The following ARFGEF3 variants were observed in gnomAD, a reference collection of about 807,000 sequenced individuals.
ARFGEF3 encodes the protein ARFGEF family member 3.
A neutral mutation model predicts 221.7 loss-of-function variants in ARFGEF3; 96 were observed. The observed-to-expected ratio is 0.43, with a 90% CI of 0.37 to 0.51. The LOEUF is 0.51. Ranked by LOEUF, ARFGEF3 falls within the 20% of genes least tolerant of loss-of-function variation. The pLI, the probability that ARFGEF3 is intolerant of heterozygous loss-of-function variation, is 0.00. For missense variants in ARFGEF3, 2,410 were observed against 2,789.9 expected (o/e 0.86, Z 3.07); for synonymous variants, 1,145 against 1,126.8 (o/e 1.02, Z -0.32).
chr6:138,234,132 A>T (rs1455992356), intron 5 of ARFGEF3, among the ~76,000 whole-genome samples: 3 of 152,220 alleles, frequency 2.0e-5, no homozygotes, highest in Non-Finnish European at 4.4e-5. Flanking sequence ...TGGCTTGTGA[A>T]GAAGTTGTTT....
At chr6:138,306,770 T>TA (rs11331373) in intron 22 of ARFGEF3, among the ~76,000 whole-genome samples, 13 of 149,546 alleles carry the variant, frequency 8.7e-5, no homozygotes, top group South Asian at 4.2e-4. Flanking sequence ...CTCACCATGC[T>TA]AAAAAAAAAA....
chr6:138,322,960 A>G (rs1042866157), intron 29 of ARFGEF3, among the ~76,000 whole-genome samples: 2 of 151,762 alleles, frequency 1.3e-5, no homozygotes, highest in Non-Finnish European at 2.9e-5. Flanking sequence ...CACTGGTCAC[A>G]TCCTCCAAGG....
chr6:138,184,442 T>C (rs990264051), intron 2 of ARFGEF3, among the ~76,000 whole-genome samples: 1 of 152,176 alleles, frequency 6.6e-6, no homozygotes, highest in Non-Finnish European at 1.5e-5. Flanking sequence ...TTCTGGCAGT[T>C]TGCAGTGTGA....
rs764354727 is a variant in ARFGEF3 at position 138,313,831 on chromosome 6, A to G, written c.4237A>G (p.Ile1413Val). The change falls in exon 26 of 34, where the codon ATA (isoleucine) becomes GTA (valine). Residue 1413 changes from isoleucine to valine, a missense_variant. Physicochemically the swap from Ile to Val is conservative, Grantham distance 29. Transcript: ENST00000251691. ...AKIYKMPLKPIFLSGRLAGLP... is the reference protein window; with the variant it reads ...AKIYKMPLKPVFLSGRLAGLP... ...AATCTACAAAATGCCCTTGAAGCCA[A>G]TATTCCTTAGTGGGAGACTTGCCGG... 2 of 1,613,880 alleles carry G rather than the reference A, an allele frequency of 1.2e-6. No homozygotes were observed. Among genetic ancestry groups the G allele is most frequent in the African/African-American group, 1.3e-5 (1 of 74,942 alleles).
In ARFGEF3 at chr6:138,263,251, A is replaced by T; in HGVS notation, c.1768A>T (p.Arg590Trp). The T allele has an allele frequency of 6.2e-7, 1 of 1,614,010 alleles. No individual in the cohort carries two copies. The highest frequency in any genetic ancestry group is 2.2e-5 in the East Asian group (1 of 44,876). ...VDCRTRSYGS[R>W]YSESNFSVDD... is the part of the protein sequence containing the mutation. ...CTGCAGGACAAGGTCCTATGGATCT[A>T]GGTATAGTGAGAGCAATTTTAGCGT... Residue 590 changes from arginine to tryptophan, a missense_variant, in exon 12 of 34, where the codon AGG (arginine) becomes TGG (tryptophan). By Grantham distance (101) the Arg-to-Trp change is moderately radical. Transcript: ENST00000251691.
In ARFGEF3 at chr6:138,264,957, C is replaced by G. The variant is rs1035982950; in HGVS notation, c.2128+1346C>G. Among the ~76,000 whole-genome samples the G allele has an allele frequency of 3.0e-4, 44 of 148,068 alleles. 1 individual carries two copies. The highest frequency in any genetic ancestry group is 6.0e-4 in the East Asian group (3 of 5,034). On this transcript the variant is annotated intron_variant, in intron 12 of 33. Coordinates refer to ENST00000251691, the MANE Select transcript of ARFGEF3 (RefSeq NM_020340.5). ...CTCACTCTGTCACCCAGGCTGGAGT[C>G]CAGTGGTGCAATCTCGGCTCACTGC... is the stretch of plus-strand genomic sequence containing the variant.
chr6:138,275,063 T>C (rs1423942206), intron 12 of ARFGEF3, among the ~76,000 whole-genome samples: 1 of 150,722 alleles, frequency 6.6e-6, no homozygotes, highest in Non-Finnish European at 1.5e-5. Context: ...GCTGAGATTG[T>C]GCCATTGCAC....
At position 138,270,427 on chromosome 6, in the gene ARFGEF3, G is replaced by GACACACACACACACACACACAC. The variant is rs3044804; in HGVS notation, c.2128+6832_2128+6853dup. ...GCTCTAACTTCAGGAATTTTACGTAGACACACACACACACACACACACACA... is the reference window on the plus strand; with the variant it reads ...GCTCTAACTTCAGGAATTTTACGTAGACACACACACACACACACACACACACACACACACACACACACACACA... On this transcript the variant is annotated intron_variant, in intron 12 of 33. Transcript: ENST00000251691. Among the ~76,000 whole-genome samples, 467 of 139,482 alleles carry GACACACACACACACACACACAC rather than the reference G, an allele frequency of 3.3e-3. 1 individual carries two copies. The highest frequency in any genetic ancestry group is 5.6e-3 in the Non-Finnish European group (361 of 64,970). The allele number at this position is 139,482 out of a possible 152,430, so 91.5% of individuals were successfully genotyped here.
intron 14 of ARFGEF3, among the ~76,000 whole-genome samples, chr6:138,282,440 G>T (rs905522314): frequency 2.0e-5 from 3 of 152,210 alleles, no homozygotes; most frequent in African/African-American, 7.2e-5. Context: ...GTTGTCCAAA[G>T]GGCATGTTAT....
chr6:138,215,623 C>T (rs1777827439), intron 4 of ARFGEF3, among the ~76,000 whole-genome samples: 1 of 152,072 alleles, frequency 6.6e-6, no homozygotes, highest in Admixed American at 6.6e-5. Context: ...TCCTGAGAGG[C>T]TTGTGGGTGC....
At chr6:138,200,085 AG>A (rs1777505142) in intron 2 of ARFGEF3, among the ~76,000 whole-genome samples, 1 of 152,196 alleles carries the variant, frequency 6.6e-6, no homozygotes, top group South Asian at 2.1e-4. Flanking sequence ...TTAATCATAA[AG>A]GGATGCTGGA....
intron 28 of ARFGEF3, among the ~76,000 whole-genome samples, chr6:138,320,238 G>A (rs898586428): frequency 6.6e-6 from 1 of 152,196 alleles, no homozygotes; most frequent in Non-Finnish European, 1.5e-5. Flanking sequence ...CTGTGGGGGG[G>A]TAGCGGGTAT....
chr6:138,197,384 A>G (rs1402823587), intron 2 of ARFGEF3, among the ~76,000 whole-genome samples: 1 of 152,176 alleles, frequency 6.6e-6, no homozygotes, highest in Non-Finnish European at 1.5e-5. Flanking sequence ...TTTTCTTTAT[A>G]AGTAGAAGGA....
At chr6:138,214,367 C>A in intron 4 of ARFGEF3, among the ~76,000 whole-genome samples, 1 of 152,176 alleles carries the variant, frequency 6.6e-6, no homozygotes, top group Admixed American at 6.5e-5. Flanking sequence ...ATCTTCCAGT[C>A]ATTTTATATA....
In ARFGEF3 at chr6:138,213,047, G is replaced by A. The variant is rs185255573; in HGVS notation, c.351+3006G>A. On this transcript the variant is annotated intron_variant, in intron 4 of 33. Transcript: ENST00000251691. ...CGCACGCCTGTAATCCCAGCACTTTGGGAGGTCGAGGTGGGGGGCTCACGA... is the reference window on the plus strand; with the variant it reads ...CGCACGCCTGTAATCCCAGCACTTTAGGAGGTCGAGGTGGGGGGCTCACGA... Among the ~76,000 whole-genome samples, 41 of 152,134 alleles carry A rather than the reference G, an allele frequency of 2.7e-4. No individual in the cohort carries two copies. In the East Asian group the frequency reaches 7.9e-3, roughly 29 times the overall value.
rs1779461796 is a variant in ARFGEF3 at position 138,293,996 on chromosome 6, C to T, written c.3372C>T (p.Leu1124=). The stretch of plus-strand genomic sequence containing the variant: ...ATCTCTTTCTGTTTGCATCCAGGCT[C>T]TTTGAAGATGCTACGGATAAGTTGA... The part of the protein sequence containing the change: ...VLTLSTQADR[L]FEDATDKLNL... The change falls in exon 20 of 34, where the codon CTC becomes CTT. Residue 1124 remains leucine, a synonymous_variant. Transcript: ENST00000251691. 6.2e-7 allele frequency: 1 copy of T among 1,613,434 alleles called. No individual in the cohort carries two copies. The highest frequency in any genetic ancestry group is 8.5e-7 in the Non-Finnish European group (1 of 1,179,744).
intron 10 of ARFGEF3, among the ~76,000 whole-genome samples, chr6:138,258,698 A>G (rs961872456): frequency 6.6e-6 from 1 of 152,238 alleles, no homozygotes; most frequent in African/African-American, 2.4e-5. Context: ...TTCCCCTAGT[A>G]TTTAACACTA....
chr6:138,284,075 C>T (rs1047820040), intron 14 of ARFGEF3, among the ~76,000 whole-genome samples: 10 of 152,202 alleles, frequency 6.6e-5, no homozygotes, highest in African/African-American at 1.7e-4. Context: ...AAGGCAGAGG[C>T]GGGAGGATCA....
At chr6:138,228,170 C>T (rs1778122660) in intron 4 of ARFGEF3, among the ~76,000 whole-genome samples, 1 of 125,308 alleles carries the variant, frequency 8.0e-6, no homozygotes, top group Non-Finnish European at 1.6e-5. Flanking sequence ...GGCACTGAGA[C>T]AATTTTTTTT....
Sources: allele counts gnomAD v4.1 joint callset (sites outside exome capture counted in the v4.1 genomes callset), GRCh38; gene constraint gnomAD v4.1.1; transcripts MANE v1.5; gene names NCBI Gene and HGNC (gene_info 2026-07-23, HGNC 2026-07-21).